Variants in FSD1L observed in about 807,000 individuals in gnomAD.
FSD1L encodes the protein FSD1-like protein.
In FSD1L, 45 loss-of-function variants were observed where a neutral mutation model predicts 71.6. The ratio of observed to expected loss-of-function variants is 0.63; its 90% CI spans 0.49 to 0.81. FSD1L has a LOEUF of 0.81. Ranked by LOEUF, FSD1L falls within the 30% of genes least tolerant of loss-of-function variation. The pLI, the probability that FSD1L is intolerant of heterozygous loss-of-function variation, is 0.00. For missense variants in FSD1L, 561 were observed against 618.1 expected, an observed-to-expected ratio of 0.91 and a Z score of 0.98; for synonymous variants, 197 against 207.2, an observed-to-expected ratio of 0.95 and a Z score of 0.42.
At chr9:105,481,141 C>G (rs966634394) in intron 6 of FSD1L, among the ~76,000 whole-genome samples, 9 of 81,558 alleles carry the variant, frequency 1.1e-4, no homozygotes, top group South Asian at 5.4e-4. Flanking sequence ...CAGGCAAACT[C>G]TGTGTGTGTG....
chr9:105,499,463 T>C (rs948602044), intron 7 of FSD1L, among the ~76,000 whole-genome samples: 5 of 152,146 alleles, frequency 3.3e-5, no homozygotes, highest in African/African-American at 1.2e-4. Flanking sequence ...GGCAACAGAT[T>C]TCCTCAATTT....
At chr9:105,466,702 A>C (rs1374199312) in intron 3 of FSD1L, among the ~76,000 whole-genome samples, 1 of 152,162 alleles carries the variant, frequency 6.6e-6, no homozygotes. Flanking sequence ...CAAAAAAAAA[A>C]AAAAATAATT....
At chr9:105,467,158 A>G (rs896584269) in intron 3 of FSD1L, among the ~76,000 whole-genome samples, 9 of 152,106 alleles carry the variant, frequency 5.9e-5, no homozygotes, top group African/African-American at 1.2e-4. Flanking sequence ...TTCCACTTCT[A>G]TAGTTGTTCT....
chr9:105,487,602 G>A (rs1400306852), intron 7 of FSD1L, among the ~76,000 whole-genome samples: 1 of 151,914 alleles, frequency 6.6e-6, no homozygotes, highest in African/African-American at 2.4e-5. Context: ...TTTTATTAAT[G>A]ATATGTAGGG....
At chr9:105,491,809 T>A (rs2131748426) in intron 7 of FSD1L, among the ~76,000 whole-genome samples, 1 of 152,320 alleles carries the variant, frequency 6.6e-6, no homozygotes, top group Non-Finnish European at 1.5e-5. Context: ...ATTTATTGAT[T>A]TGCGTATATT....
intron 1 of FSD1L, among the ~76,000 whole-genome samples, chr9:105,458,309 C>T (rs1481910779): frequency 6.6e-6 from 1 of 152,050 alleles, no homozygotes; most frequent in Non-Finnish European, 1.5e-5. Flanking sequence ...TGGCCAGGAA[C>T]ATGTTACAGC....
chr9:105,477,699 G>T (rs1831899312), intron 5 of FSD1L, among the ~76,000 whole-genome samples: 1 of 152,070 alleles, frequency 6.6e-6, no homozygotes, highest in Non-Finnish European at 1.5e-5. Context: ...TGTAATTCCA[G>T]CTTTAATGAT....
chr9:105,448,823 T>C (rs1262050081), intron 1 of FSD1L, among the ~76,000 whole-genome samples: 1 of 152,232 alleles, frequency 6.6e-6, no homozygotes, highest in Non-Finnish European at 1.5e-5. Flanking sequence ...TAGGGCAGCC[T>C]TCCCACTCTC....
intron 1 of FSD1L, among the ~76,000 whole-genome samples, chr9:105,452,012 C>T (rs1320167063): frequency 6.6e-6 from 1 of 152,112 alleles, no homozygotes; most frequent in Non-Finnish European, 1.5e-5. Flanking sequence ...CATTATTTTT[C>T]CTGCATATTC....
intron 9 of FSD1L, among the ~76,000 whole-genome samples, chr9:105,510,091 G>A (rs1360078211): frequency 6.6e-6 from 1 of 152,232 alleles, no homozygotes; most frequent in Non-Finnish European, 1.5e-5. Flanking sequence ...ACAGGAAAAT[G>A]AATCACTGGC....
chr9:105,489,600 A>G (rs1334436573), intron 7 of FSD1L, among the ~76,000 whole-genome samples: 1 of 152,118 alleles, frequency 6.6e-6, no homozygotes, highest in African/African-American at 2.4e-5. Context: ...GGTGTGCTGC[A>G]CACATTAACT....
At chr9:105,495,730 A>G (rs1398471231) in intron 7 of FSD1L, among the ~76,000 whole-genome samples, 1 of 152,192 alleles carries the variant, frequency 6.6e-6, no homozygotes, top group East Asian at 1.9e-4. Flanking sequence ...TAACCCCAGC[A>G]TTTTGGGAGC....
At chr9:105,524,267 C>T in intron 10 of FSD1L, 1 of 1,612,536 alleles carries the variant, frequency 6.2e-7, no homozygotes. Flanking sequence ...TAGCTTGTAA[C>T]ATGCTTCACA....
In FSD1L at chr9:105,520,641, C is replaced by T. The variant is rs988665506; in HGVS notation, c.1025+7705C>T. On this transcript the variant is annotated intron_variant, in intron 10 of 13. Transcript: ENST00000481272. ...CTTAAAGATTAGGCGGGAAGGTGTT[C>T]GTCTTTTCTTACTATGGTTGCAAGC... The T allele has an allele frequency of 2.0e-5, 33 of 1,609,946 alleles. 1 individual carries two copies. The South Asian group carries it at 2.6e-4, about 13-fold the overall frequency.
chr9:105,552,085 C>T lies in FSD1L; in HGVS notation c.*5602C>T, dbSNP rs1225771090. On this transcript the variant is annotated 3_prime_UTR_variant, in exon 14 of 14. Coordinates refer to ENST00000481272, the MANE Select transcript of FSD1L (RefSeq NM_001145313.3). ...TTGGATTAAATGGTTTACAGGTTAT[C>T]TGAATCTACAGATTTAGTATGTCTA... is the stretch of plus-strand genomic sequence containing the variant. 6.6e-6 allele frequency: 1 copy of T among 152,150 alleles called. No homozygotes were observed. The highest frequency in any genetic ancestry group is 1.5e-5 in the Non-Finnish European group (1 of 68,028). The allele number at this position is 152,150 out of a possible 1,614,324, so 9.4% of individuals were successfully genotyped here. A position where few individuals can be genotyped will look rare whatever the true frequency, so the allele number is the denominator to read the frequency against.
In FSD1L at chr9:105,520,869, C is replaced by T. The variant is rs942250036; in HGVS notation, c.1025+7933C>T. The T allele has an allele frequency of 2.5e-6, 4 of 1,612,094 alleles. No individual in the cohort carries two copies. In the African/African-American group the frequency reaches 4.0e-5, roughly 16 times the overall value. ...ATCAGGAGATAAAGGGCAAGAAGATCTCACAAGCTATTTTCTTGAAGCACT... is the reference window on the plus strand; with the variant it reads ...ATCAGGAGATAAAGGGCAAGAAGATTTCACAAGCTATTTTCTTGAAGCACT... On this transcript the variant is annotated intron_variant, in intron 10 of 13. Coordinates refer to ENST00000481272, the MANE Select transcript of FSD1L (RefSeq NM_001145313.3).
chr9:105,502,272 G>A (rs1225654853), intron 7 of FSD1L, among the ~76,000 whole-genome samples: 2 of 152,140 alleles, frequency 1.3e-5, no homozygotes, highest in African/African-American at 2.4e-5. Context: ...AATATGGAAA[G>A]CACTCAATAA....
chr9:105,525,337 C>G, intron 10 of FSD1L: 1 of 1,595,310 alleles, frequency 6.3e-7, no homozygotes, highest in South Asian at 1.2e-5. Context: ...TGAATGCTTA[C>G]AGAGAACTGG....
At chr9:105,521,432 C>T in intron 10 of FSD1L, 2 of 1,613,930 alleles carry the variant, frequency 1.2e-6, no homozygotes. Flanking sequence ...ATCTCACAGA[C>T]ATTGAAATAG....
Sources: allele counts gnomAD v4.1 joint callset (sites outside exome capture counted in the v4.1 genomes callset), GRCh38; gene constraint gnomAD v4.1.1; transcripts MANE v1.5; gene names NCBI Gene and HGNC (gene_info 2026-07-23, HGNC 2026-07-21).